Variants in NEK1 observed in about 807,000 individuals in gnomAD.
NEK1 encodes the protein serine/threonine-protein kinase Nek1.
A neutral mutation model predicts 182.1 loss-of-function variants in NEK1; 137 were observed. The observed-to-expected ratio is 0.75, with a 90% CI of 0.65 to 0.87. The LOEUF (loss-of-function observed/expected upper bound fraction) is 0.87. Among genes scored for constraint, NEK1 ranks in the 40% least tolerant of loss-of-function variants. The pLI is 0.00. For synonymous variants in NEK1, 513 were observed against 492.2 expected, an observed-to-expected ratio of 1.04 and a Z score of -0.56; for missense variants, 1,391 against 1,494.4, an observed-to-expected ratio of 0.93 and a Z score of 1.14.
chr4:169,490,469 T>A (rs968003876), intron 23 of NEK1, among the ~76,000 whole-genome samples: 2 of 152,066 alleles, frequency 1.3e-5, no homozygotes, highest in Admixed American at 1.3e-4. Flanking sequence ...ATTCTCCAGA[T>A]AATGACCCCA....
chr4:169,526,546 C>T (rs571282094), intron 19 of NEK1, among the ~76,000 whole-genome samples: 11 of 152,236 alleles, frequency 7.2e-5, no homozygotes, highest in East Asian at 1.9e-4. Context: ...TTGAAATACA[C>T]GATTTCTTTA....
intron 18 of NEK1, among the ~76,000 whole-genome samples, chr4:169,548,000 G>C (rs1223688113): frequency 6.6e-6 from 1 of 152,184 alleles, no homozygotes; most frequent in Non-Finnish European, 1.5e-5. Flanking sequence ...TCTCTGTCCA[G>C]TTTTGTTCCC....
intron 32 of NEK1, among the ~76,000 whole-genome samples, chr4:169,406,036 G>A (rs1022605442): frequency 7.9e-5 from 12 of 151,892 alleles, no homozygotes; most frequent in African/African-American, 1.5e-4. Context: ...GGCAGAGGTC[G>A]CCGTGAGCCA....
chr4:169,495,537 C>G (rs7435438), intron 23 of NEK1, among the ~76,000 whole-genome samples: 29,462 of 152,024 alleles, frequency 0.19, 4,291 homozygotes, highest in African/African-American at 0.41. Context: ...CCACCGTGCC[C>G]GGCCCATTTA....
At chr4:169,465,392 G>A (rs1475423338) in intron 26 of NEK1, among the ~76,000 whole-genome samples, 1 of 152,094 alleles carries the variant, frequency 6.6e-6, no homozygotes, top group Non-Finnish European at 1.5e-5. Context: ...GTCTCTCTGA[G>A]CTGAGGAGGT....
chr4:169,425,042 T>C (rs1736134377), intron 30 of NEK1, among the ~76,000 whole-genome samples: 1 of 152,176 alleles, frequency 6.6e-6, no homozygotes, highest in Non-Finnish European at 1.5e-5. Context: ...AGTTCTACAA[T>C]ACAGACACAA....
intron 33 of NEK1, 111 bp from the exon 34 acceptor site, chr4:169,400,762 C>A: frequency 1.4e-6 from 1 of 702,342 alleles, no homozygotes; most frequent in Non-Finnish European, 2.1e-6. Context: ...TAGACTACTT[C>A]TACTTTCATT....
At chr4:169,423,999 CA>C (rs1465307151) in intron 31 of NEK1, among the ~76,000 whole-genome samples, 1 of 151,934 alleles carries the variant, frequency 6.6e-6, no homozygotes, top group Non-Finnish European at 1.5e-5. Context: ...TATGTATATG[CA>C]AAGGTTATAT....
chr4:169,416,811 G>A (rs1341256294), intron 31 of NEK1, among the ~76,000 whole-genome samples: 2 of 152,092 alleles, frequency 1.3e-5, no homozygotes, highest in South Asian at 2.1e-4. Flanking sequence ...AGGCTGAGGC[G>A]GGAAGATTGC....
At position 169,537,794 on chromosome 4, in the gene NEK1, A is replaced by G. The variant is rs1023093906; in HGVS notation, c.1665+15T>C. The G allele has an allele frequency of 6.2e-7, 1 of 1,600,184 alleles. No homozygotes were observed. The highest frequency in any genetic ancestry group is 1.7e-5 in the Admixed American group (1 of 59,950). ...CTAATACATTCAAAATCTCAGAAAC[A>G]AACAAAATTCATACCATATGTCCTT... On this transcript the variant is annotated intron_variant, in intron 19 of 35. Transcript: ENST00000507142.
intron 31 of NEK1, among the ~76,000 whole-genome samples, chr4:169,422,429 G>A (rs1376369478): frequency 6.6e-6 from 1 of 152,118 alleles, no homozygotes; most frequent in Non-Finnish European, 1.5e-5. Context: ...AAAATTAATG[G>A]AGTCAGTTCC....
chr4:169,539,307 A>G (rs1014842846), intron 18 of NEK1, among the ~76,000 whole-genome samples: 13 of 152,198 alleles, frequency 8.5e-5, no homozygotes, highest in African/African-American at 1.2e-4. Context: ...TCTGAATGCA[A>G]TTTATCTCCT....
intron 27 of NEK1, among the ~76,000 whole-genome samples, chr4:169,457,772 G>C (rs1743190421): frequency 6.7e-6 from 1 of 149,698 alleles, no homozygotes; most frequent in Admixed American, 6.7e-5. Flanking sequence ...GAGGGAAGAA[G>C]ACAGGCAATA....
chr4:169,574,940 A>G (rs1765455030), intron 12 of NEK1, among the ~76,000 whole-genome samples: 1 of 152,216 alleles, frequency 6.6e-6, no homozygotes, highest in African/African-American at 2.4e-5. Flanking sequence ...AGAATGTACT[A>G]TAAGAGAGTT....
chr4:169,567,323 C>A (rs1314028322), intron 12 of NEK1, among the ~76,000 whole-genome samples: 4 of 151,418 alleles, frequency 2.6e-5, no homozygotes, highest in African/African-American at 9.7e-5. Context: ...ATCATTTTAA[C>A]CATTTTTAAG....
At chr4:169,576,612 A>T (rs140322243) in intron 12 of NEK1, 9 of 174,098 alleles carry the variant, frequency 5.2e-5, no homozygotes, top group African/African-American at 1.9e-4. Flanking sequence ...GATTTTTATC[A>T]AGAATGTCAT....
At chr4:169,563,307 G>A (rs140069959) in intron 12 of NEK1, among the ~76,000 whole-genome samples, 3 of 151,728 alleles carry the variant, frequency 2.0e-5, no homozygotes, top group South Asian at 4.2e-4. Flanking sequence ...GCTACCATGA[G>A]CCATGATCAC....
At chr4:169,466,270 T>C (rs190452407) in intron 26 of NEK1, among the ~76,000 whole-genome samples, 3 of 152,122 alleles carry the variant, frequency 2.0e-5, no homozygotes, top group Admixed American at 2.0e-4. Context: ...GCCACGAGTT[T>C]TTCAAGTTTG....
At chr4:169,548,975 A>C (rs943004913) in intron 18 of NEK1, among the ~76,000 whole-genome samples, 1 of 152,154 alleles carries the variant, frequency 6.6e-6, no homozygotes, top group Admixed American at 6.5e-5. Context: ...TAGGGGAGTG[A>C]ACAGTTATGT....
Sources: gnomAD v4.1 joint callset for allele counts (sites outside exome capture counted in the v4.1 genomes callset) on GRCh38, gnomAD v4.1.1 for gene constraint, MANE v1.5 for transcripts, NCBI Gene and HGNC (gene_info 2026-07-23, HGNC 2026-07-21) for gene names.